Variants in QPRT observed in about 807,000 individuals in gnomAD.
QPRT encodes quinolinate phosphoribosyltransferase.
In QPRT, 17 loss-of-function variants were observed where a neutral mutation model predicts 19.8. The observed-to-expected ratio is 0.86, with a 90% CI of 0.59 to 1.29. The LOEUF is 1.29. QPRT is among the 50% of genes most tolerant of loss of function. The pLI is 0.00. For missense variants in QPRT, 336 were observed against 405.1 expected (o/e 0.83, Z 1.46); for synonymous variants, 178 against 191.0 (o/e 0.93, Z 0.56).
Position 29,697,173 on chromosome 16 carries a change from A to G in QPRT, c.682-26A>G, listed in dbSNP as rs1398043280. 1 of 1,598,390 alleles carries G rather than the reference A, an allele frequency of 6.3e-7. No homozygotes were observed. Among genetic ancestry groups the G allele is most frequent in the South Asian group, 1.1e-5 (1 of 90,072 alleles). On this transcript the variant is annotated intron_variant, in intron 3 of 3. Transcript: ENST00000395384. This position sits in a 1 kb window ranked among gnomAD's most constrained non-coding sequence, Gnocchi z 4.4. ...GGGGAGGGATCTGTGGTGGGCTCTT[A>G]CCTCCCCTTGGCTTGTGTCCCGCAG...
At chr16:29,691,504 AC>A (rs913284470) in intron 1 of QPRT, among the ~76,000 whole-genome samples, 1 of 150,876 alleles carries the variant, frequency 6.6e-6, no homozygotes, top group African/African-American at 2.4e-5. Context: ...ATATAGTGAG[AC>A]CCCCATCTCT....
chr16:29,688,997 T>A (rs1050833450), intron 1 of QPRT, among the ~76,000 whole-genome samples: 1 of 151,750 alleles, frequency 6.6e-6, no homozygotes, highest in Non-Finnish European at 1.5e-5. Context: ...GTCAGGCTGG[T>A]CTCAAACTCC....
chr16:29,698,283 T>TC lies in QPRT; in HGVS notation c.*878dup. On this transcript the variant is annotated 3_prime_UTR_variant, in exon 4 of 4. Transcript: ENST00000395384. ...ACCACTACTACTCCTGCTGCCCTCC[T>TC]CCCCCCACCTTGCCTAGTTTACAAG... The TC allele has an allele frequency of 6.6e-6, 1 of 151,204 alleles. No individual in the cohort carries two copies. 9.4% of individuals were successfully genotyped at this position (151,204 alleles called of 1,614,324 possible). A position where few individuals can be genotyped will look rare whatever the true frequency, so the allele number is the denominator to read the frequency against.
At chr16:29,687,908 G>A (rs1212755720) in intron 1 of QPRT, among the ~76,000 whole-genome samples, 1 of 151,952 alleles carries the variant, frequency 6.6e-6, no homozygotes, top group Non-Finnish European at 1.5e-5. Context: ...CATGAGCCCG[G>A]GAGTTCAAGG....
Position 29,694,988 on chromosome 16 carries a change from G to C in QPRT, c.338G>C (p.Gly113Ala). The C allele has an allele frequency of 6.2e-7, 1 of 1,606,410 alleles. No homozygotes were observed. Among genetic ancestry groups the C allele is most frequent in the Non-Finnish European group, 8.5e-7 (1 of 1,179,040 alleles). Residue 113 changes from glycine (G) to alanine (A), a missense_variant, in exon 2 of 4, where the codon GGC (glycine) becomes GCC (alanine). Coordinates refer to ENST00000395384, the MANE Select transcript of QPRT (RefSeq NM_014298.6). Reference sequence around the variant, plus strand: ...CTCAACACGCTGGCCCGCTGCAGTGGCATTGCCAGTGCTGCCGCCGCTGCA... The same window carrying C: ...CTCAACACGCTGGCCCGCTGCAGTGCCATTGCCAGTGCTGCCGCCGCTGCA... ...VALNTLARCS[G>A]IASAAAAAVE...
chr16:29,691,526 A>G (rs1383246588), intron 1 of QPRT, among the ~76,000 whole-genome samples: 1 of 151,980 alleles, frequency 6.6e-6, no homozygotes, highest in Non-Finnish European at 1.5e-5. Flanking sequence ...ACAACAAAAA[A>G]TATACAAAAA....
At chr16:29,682,520 C>A (rs1012954152) in intron 1 of QPRT, among the ~76,000 whole-genome samples, 1 of 151,722 alleles carries the variant, frequency 6.6e-6, no homozygotes, top group African/African-American at 2.4e-5. Context: ...ATACAGGTGC[C>A]CACCACCATG....
At chr16:29,692,059 G>C (rs1967356029) in intron 1 of QPRT, among the ~76,000 whole-genome samples, 4 of 152,182 alleles carry the variant, frequency 2.6e-5, no homozygotes, top group Admixed American at 2.6e-4. Context: ...AAACACCCTC[G>C]CTGGCTCTGT....
At chr16:29,686,996 C>T (rs1967181385) in intron 1 of QPRT, among the ~76,000 whole-genome samples, 2 of 152,266 alleles carry the variant, frequency 1.3e-5, no homozygotes, top group Admixed American at 6.5e-5. Flanking sequence ...GCAGCTCTTT[C>T]TCTTACTTGT....
intron 1 of QPRT, among the ~76,000 whole-genome samples, chr16:29,685,241 CAGGTGGAT>C (rs1369018152): frequency 6.6e-6 from 1 of 151,936 alleles, no homozygotes; most frequent in Non-Finnish European, 1.5e-5. Flanking sequence ...AAGGCCGAGG[CAGGTGGAT>C]CACCTGAGGT....
rs1967583579 is a variant in QPRT at position 29,697,429 on chromosome 16, A to G, written c.*18A>G. The G allele has an allele frequency of 6.2e-7, 1 of 1,600,094 alleles. No individual in the cohort carries two copies. Among genetic ancestry groups the G allele is most frequent in the Admixed American group, 1.7e-5 (1 of 59,806 alleles). ...TCCACTAGTCCTAAACCGGAAGAGG[A>G]TGACACCGGCCATGGGTTAACGTGG... On this transcript the variant is annotated 3_prime_UTR_variant, in exon 4 of 4. Transcript: ENST00000395384. This position sits in a 1 kb window ranked among gnomAD's most constrained non-coding sequence, Gnocchi z 4.4.
intron 1 of QPRT, among the ~76,000 whole-genome samples, chr16:29,689,485 C>T (rs886329939): frequency 6.6e-6 from 1 of 152,056 alleles, no homozygotes; most frequent in Non-Finnish European, 1.5e-5. Context: ...ATTTAGTCAC[C>T]CAGGTATTAA....
rs764024449 is a variant in QPRT at position 29,697,463 on chromosome 16, G to C, written c.*52G>C. Reference sequence around the variant, plus strand: ...GCCATGGGTTAACGTGGCTCCTCAGGACCCTCTGGGTCACACATCTTTAGG... The same window carrying C: ...GCCATGGGTTAACGTGGCTCCTCAGCACCCTCTGGGTCACACATCTTTAGG... On this transcript the variant is annotated 3_prime_UTR_variant, in exon 4 of 4. Transcript: ENST00000395384. This position sits in a 1 kb window ranked among gnomAD's most constrained non-coding sequence, Gnocchi z 4.4. 1 of 1,538,360 alleles carries C rather than the reference G, an allele frequency of 6.5e-7. No homozygotes were observed. Among genetic ancestry groups the C allele is most frequent in the African/African-American group, 1.4e-5 (1 of 73,516 alleles).
chr16:29,685,425 C>G (rs1299615623), intron 1 of QPRT, among the ~76,000 whole-genome samples: 2 of 152,094 alleles, frequency 1.3e-5, no homozygotes, highest in African/African-American at 4.8e-5. Context: ...GAGTTGAGAT[C>G]ACACCATTGC....
At position 29,698,049 on chromosome 16, in the gene QPRT, G is replaced by A. The variant is rs1207170716; in HGVS notation, c.*638G>A. On this transcript the variant is annotated 3_prime_UTR_variant, in exon 4 of 4. Transcript: ENST00000395384. ...GAGGGAGGGAGGGAGGGAAAGGAAG[G>A]ATGGAAAGAAAGGAAGAAAGGCAGG... 1 of 152,212 alleles carries A rather than the reference G, an allele frequency of 6.6e-6. No individual in the cohort carries two copies. Among genetic ancestry groups the A allele is most frequent in the African/African-American group, 2.4e-5 (1 of 41,404 alleles). 9.4% of individuals were successfully genotyped at this position (152,212 alleles called of 1,614,324 possible).
At chr16:29,692,844 C>T (rs1239067221) in intron 1 of QPRT, among the ~76,000 whole-genome samples, 2 of 152,248 alleles carry the variant, frequency 1.3e-5, no homozygotes, top group East Asian at 1.9e-4. Flanking sequence ...GGGCGAATCA[C>T]GAGGTCAGGA....
At chr16:29,682,785 C>G (rs1967048130) in intron 1 of QPRT, among the ~76,000 whole-genome samples, 2 of 152,172 alleles carry the variant, frequency 1.3e-5, no homozygotes, top group Admixed American at 6.6e-5. Context: ...ATCAAACATT[C>G]AATGTCCAGA....
chr16:29,695,139 C>T lies in QPRT; in HGVS notation c.489C>T (p.Asp163=). ...LVGGAASHRY[D]LGGLVMVKDN... is the part of the protein sequence containing the mutation. ...GCGGGGCCGCCTCGCACCGCTACGA[C>T]CTGGGAGGGCTGGTGATGGTGAAGG... Residue 163 remains aspartate, a synonymous_variant, in exon 2 of 4, where the codon GAC becomes GAT. Transcript: ENST00000395384. 2.5e-6 allele frequency: 4 copies of T among 1,582,248 alleles called. No homozygotes were observed. The highest frequency in any genetic ancestry group is 2.6e-6 in the Non-Finnish European group (3 of 1,165,030).
chr16:29,688,258 G>C (rs556984521), intron 1 of QPRT, among the ~76,000 whole-genome samples: 8 of 152,082 alleles, frequency 5.3e-5, no homozygotes, highest in Non-Finnish European at 1.2e-4. Context: ...AGGGATTCTT[G>C]CTGAGGGCAG....
Sources: allele counts gnomAD v4.1 joint callset (sites outside exome capture counted in the v4.1 genomes callset), GRCh38; gene constraint gnomAD v4.1.1; non-coding constraint Gnocchi (gnomAD v3.1); transcripts MANE v1.5; gene names NCBI Gene and HGNC (gene_info 2026-07-23, HGNC 2026-07-21).